KIAA0586: variants seen among roughly 807,000 people sequenced by gnomAD.
The protein encoded by KIAA0586 is protein TALPID3.
Under a neutral mutation model 169.8 loss-of-function variants are expected in KIAA0586, and 144 were observed. The observed-to-expected ratio is 0.85, with a 90% CI of 0.74 to 0.97. The LOEUF (loss-of-function observed/expected upper bound fraction) is 0.97, where lower values mean the gene tolerates loss of function less well. KIAA0586 is among the 50% of genes least tolerant of loss of function. The probability of loss-of-function intolerance (pLI) is 0.00; values close to 1 mark genes in which losing one functional copy is unlikely to be tolerated. For synonymous variants in KIAA0586, 625 were observed against 612.4 expected, an observed-to-expected ratio of 1.02 and a Z score of -0.30; for missense variants, 1,854 against 1,823.0, an observed-to-expected ratio of 1.02 and a Z score of -0.31.
In KIAA0586 at chr14:58,549,032, T is replaced by G. The variant is rs539348950; in HGVS notation, c.*1100T>G. 1.2e-4 allele frequency: 18 copies of G among 152,302 alleles called. No homozygotes were observed. Among genetic ancestry groups the G allele is most frequent in the African/African-American group, 2.2e-4 (9 of 41,562 alleles). 9.4% of individuals were successfully genotyped at this position (152,302 alleles called of 1,614,324 possible). Reference sequence around the variant, plus strand: ...CCATGTAAGTGCTCAATAAATGGTGTTGTTCTTATTATCTTGAGGGATTTC... The same window carrying G: ...CCATGTAAGTGCTCAATAAATGGTGGTGTTCTTATTATCTTGAGGGATTTC... On this transcript the variant is annotated 3_prime_UTR_variant, in exon 31 of 31. Coordinates refer to ENST00000652326, the MANE Select transcript of KIAA0586 (RefSeq NM_001329943.3).
intron 18 of KIAA0586, among the ~76,000 whole-genome samples, chr14:58,473,368 T>TA (rs1378894844): frequency 1.3e-5 from 2 of 152,208 alleles, no homozygotes; most frequent in Non-Finnish European, 2.9e-5. Context: ...ATGTAACAGA[T>TA]ACAGTACAAG....
At chr14:58,461,316 AAGAAAT>A (rs1245246830) in intron 14 of KIAA0586, among the ~76,000 whole-genome samples, 156 bp downstream of exon 14, 3 of 152,240 alleles carry the variant, frequency 2.0e-5, no homozygotes, top group Admixed American at 1.3e-4. Context: ...GAGAGGTAGG[AAGAAAT>A]AGACCAACAT....
intron 29 of KIAA0586, among the ~76,000 whole-genome samples, chr14:58,527,410 C>T (rs935846474): frequency 6.6e-6 from 1 of 152,152 alleles, no homozygotes; most frequent in Non-Finnish European, 1.5e-5. Flanking sequence ...TCGTCAGATT[C>T]AACAAGGTTG....
chr14:58,504,831 A>G (rs2043819502), intron 27 of KIAA0586, among the ~76,000 whole-genome samples: 1 of 152,100 alleles, frequency 6.6e-6, no homozygotes, highest in African/African-American at 2.4e-5. Flanking sequence ...AATACCTGTC[A>G]TGTGTACTCT....
At chr14:58,555,273 G>A (rs567031381), downstream of KIAA0586, among the ~76,000 whole-genome samples, 7 of 151,774 alleles carry the variant, frequency 4.6e-5, no homozygotes, top group African/African-American at 1.7e-4. Flanking sequence ...GCTAATTTTT[G>A]TATTTTCAGT....
intron 14 of KIAA0586, among the ~76,000 whole-genome samples, chr14:58,462,956 A>G (rs1210515447): frequency 1.3e-5 from 2 of 152,180 alleles, no homozygotes; most frequent in Non-Finnish European, 1.5e-5. Flanking sequence ...CCCATGATCC[A>G]GTCATCTCCC....
At chr14:58,463,215 T>A (rs1029177366) in intron 14 of KIAA0586, among the ~76,000 whole-genome samples, 2 of 152,184 alleles carry the variant, frequency 1.3e-5, no homozygotes, top group African/African-American at 2.4e-5. Flanking sequence ...AAGAATTATC[T>A]CCTGTTCCTC....
chr14:58,477,503 T>G (rs1000656173), intron 20 of KIAA0586, among the ~76,000 whole-genome samples: 1 of 152,182 alleles, frequency 6.6e-6, no homozygotes, highest in African/African-American at 2.4e-5. Context: ...TGTACATATT[T>G]TTGTTATAGT....
At position 58,488,664 on chromosome 14, in the gene KIAA0586, T is replaced by G; in HGVS notation, c.3571T>G (p.Phe1191Val). 6.2e-7 allele frequency: 1 copy of G among 1,613,914 alleles called. No individual in the cohort carries two copies. The change falls in exon 24 of 31, where the codon TTC (phenylalanine) becomes GTC (valine). Residue 1191 changes from phenylalanine (F) to valine (V), a missense_variant. Phe to Val is a conservative substitution (Grantham distance 50). Transcript: ENST00000652326. Reference protein sequence around the residue: ...AKDEEPESMDFPAQPPPPEPV... With the variant: ...AKDEEPESMDVPAQPPPPEPV... ...GGATGAAGAACCAGAGAGTATGGAT[T>G]TCCCTGCTCAGCCTCCACCTCCAGA...
At chr14:58,469,644 A>C (rs774824900) in intron 16 of KIAA0586, among the ~76,000 whole-genome samples, 1 of 152,218 alleles carries the variant, frequency 6.6e-6, no homozygotes, top group Non-Finnish European at 1.5e-5. Context: ...CAGTAAGAAC[A>C]TATGAAACGA....
At chr14:58,540,542 C>T (rs952257740) in intron 30 of KIAA0586, among the ~76,000 whole-genome samples, 14 of 152,138 alleles carry the variant, frequency 9.2e-5, no homozygotes, top group East Asian at 1.9e-4. Context: ...TTCACATTAA[C>T]GATTGCTTTT....
chr14:58,550,524 A>G lies in KIAA0586; in HGVS notation c.*2592A>G, dbSNP rs1163484756. The stretch of plus-strand genomic sequence containing the variant: ...TGAGACATGCTATTAAGAGACTATC[A>G]AGATCAAGGCTGTTACTATTGCTGG... On this transcript the variant is annotated 3_prime_UTR_variant, in exon 31 of 31. Coordinates refer to ENST00000652326, the MANE Select transcript of KIAA0586 (RefSeq NM_001329943.3). 6.6e-6 allele frequency: 1 copy of G among 152,106 alleles called. No homozygotes were observed. Among genetic ancestry groups the G allele is most frequent in the African/African-American group, 2.4e-5 (1 of 41,408 alleles). The allele number at this position is 152,106 out of a possible 1,614,324, so 9.4% of individuals were successfully genotyped here. A position where few individuals can be genotyped will look rare whatever the true frequency, so the allele number is the denominator to read the frequency against.
At chr14:58,484,892 A>ATATATATATATTTATATATATATT (rs1555391470) in intron 21 of KIAA0586, among the ~76,000 whole-genome samples, 1 of 7,118 alleles carries the variant, frequency 1.4e-4, no homozygotes, top group African/African-American at 5.6e-4. Context: ...ATATATATTT[A>ATATATATATATTTATATATATATT]TATATATATA....
intron 28 of KIAA0586, among the ~76,000 whole-genome samples, chr14:58,509,795 AT>A (rs781384633): frequency 6.6e-6 from 1 of 152,240 alleles, no homozygotes; most frequent in Non-Finnish European, 1.5e-5. Context: ...CTGGGATATG[AT>A]ACCAAAGGTA....
At chr14:58,518,988 C>T (rs1453452217) in intron 29 of KIAA0586, among the ~76,000 whole-genome samples, 9 of 152,086 alleles carry the variant, frequency 5.9e-5, no homozygotes, top group South Asian at 4.1e-4. Context: ...AAAAATTAGC[C>T]GGACGTGGTG....
intron 15 of KIAA0586, among the ~76,000 whole-genome samples, 200 bp from the exon 16 acceptor site, chr14:58,467,535 G>A (rs920574220): frequency 2.0e-5 from 3 of 152,200 alleles, no homozygotes; most frequent in Non-Finnish European, 4.4e-5. Context: ...GTGATGTGAA[G>A]CGTTGAGTAC....
chr14:58,527,122 TAAAG>T (rs1434474112), intron 29 of KIAA0586, among the ~76,000 whole-genome samples: 1 of 151,724 alleles, frequency 6.6e-6, no homozygotes, highest in Non-Finnish European at 1.5e-5. Flanking sequence ...AAGATCAACT[TAAAG>T]AAATAAAGCG....
At chr14:58,512,289 G>T (rs1224341351) in intron 28 of KIAA0586, among the ~76,000 whole-genome samples, 1 of 151,850 alleles carries the variant, frequency 6.6e-6, no homozygotes, top group Admixed American at 6.6e-5. Context: ...TTTGAAATCT[G>T]TATATATGAT....
In KIAA0586 at chr14:58,500,521, A is replaced by G. The variant is rs533293204; in HGVS notation, c.4168+1561A>G. Among the ~76,000 whole-genome samples the G allele has an allele frequency of 1.2e-4, 18 of 152,320 alleles. 1 individual carries two copies. The highest frequency in any genetic ancestry group is 4.1e-4 in the African/African-American group (17 of 41,568). On this transcript the variant is annotated intron_variant, in intron 27 of 30. Coordinates refer to ENST00000652326, the MANE Select transcript of KIAA0586 (RefSeq NM_001329943.3). ...GGAGTTTAAGACCAGCCTGGCCAAC[A>G]TGGTGAAACCTCATCTCTACTAAAA...
Sources: allele counts gnomAD v4.1 joint callset (sites outside exome capture counted in the v4.1 genomes callset), GRCh38; gene constraint gnomAD v4.1.1; transcripts MANE v1.5; gene names NCBI Gene and HGNC (gene_info 2026-07-23, HGNC 2026-07-21).